The following HDAC4 variants were observed in gnomAD, a reference collection of about 807,000 sequenced individuals.
The protein encoded by HDAC4 is histone deacetylase A.
Under a neutral mutation model 135.1 loss-of-function variants are expected in HDAC4, and 16 were observed. The observed-to-expected ratio is 0.12, with a 90% CI of 0.08 to 0.18. HDAC4 has a LOEUF of 0.18. HDAC4 is among the 10% of genes least tolerant of loss of function. The probability of loss-of-function intolerance (pLI) is 1.00; values close to 1 mark genes in which losing one functional copy is unlikely to be tolerated. For missense variants in HDAC4, 1,143 were observed against 1,511.8 expected (o/e 0.76, Z 4.05); for synonymous variants, 685 against 653.4 (o/e 1.05, Z -0.74).
chr2:239,126,430 T>G (rs2040193012), intron 12 of HDAC4, 26 bp downstream of exon 12: 1 of 1,613,030 alleles, frequency 6.2e-7, no homozygotes, highest in Non-Finnish European at 8.5e-7. Context: ...CCCTGGGGCC[T>G]GGGAGCGCTG....
intron 6 of HDAC4, among the ~76,000 whole-genome samples, chr2:239,159,589 TCACACTCATACCC>T (rs2042659265): frequency 7.1e-6 from 1 of 141,122 alleles, no homozygotes; most frequent in Non-Finnish European, 1.5e-5. Flanking sequence ...TTCCCACACC[TCACACTCATACCC>T]CACACTCACC....
At chr2:239,346,581 C>G (rs547750110) in intron 2 of HDAC4, among the ~76,000 whole-genome samples, 155 of 144,992 alleles carry the variant, frequency 1.1e-3, no homozygotes, top group Non-Finnish European at 1.8e-3. Context: ...ACACACAGAC[C>G]ATAACACACA....
At chr2:239,202,040 C>A (rs1019115412) in intron 3 of HDAC4, among the ~76,000 whole-genome samples, 2 of 152,184 alleles carry the variant, frequency 1.3e-5, no homozygotes, top group Non-Finnish European at 2.9e-5. Context: ...CCCCTGCAGG[C>A]ATCTCCAGCA....
chr2:239,260,348 T>C (rs542850340), intron 2 of HDAC4, among the ~76,000 whole-genome samples: 1 of 152,366 alleles, frequency 6.6e-6, no homozygotes, highest in Admixed American at 6.5e-5. Context: ...AAGTTTTATA[T>C]GTCCCAGTTT....
intron 24 of HDAC4, among the ~76,000 whole-genome samples, chr2:239,056,148 G>T (rs1257302568): frequency 6.6e-6 from 1 of 152,186 alleles, no homozygotes; most frequent in African/African-American, 2.4e-5. Context: ...CTCTTTGGAG[G>T]CACACATACC....
chr2:239,356,589 A>C (rs1217462697), intron 1 of HDAC4, among the ~76,000 whole-genome samples: 2 of 152,238 alleles, frequency 1.3e-5, no homozygotes, highest in South Asian at 2.1e-4. Flanking sequence ...TCACATAACT[A>C]ATCAAAAGAA....
At chr2:239,140,996 A>T (rs777035212) in intron 8 of HDAC4, 5 of 393,332 alleles carry the variant, frequency 1.3e-5, no homozygotes, top group South Asian at 9.1e-5. Flanking sequence ...AACCTGGCAG[A>T]CCTGATTCCA....
At chr2:239,125,132 C>T (rs1262972186) in intron 12 of HDAC4, among the ~76,000 whole-genome samples, 1 of 152,216 alleles carries the variant, frequency 6.6e-6, no homozygotes, top group African/African-American at 2.4e-5. Flanking sequence ...GATCTGTGTC[C>T]CTGCCCACAT....
intron 16 of HDAC4, among the ~76,000 whole-genome samples, chr2:239,100,696 A>C (rs1050642080): frequency 2.6e-5 from 4 of 152,106 alleles, no homozygotes; most frequent in African/African-American, 9.7e-5. Flanking sequence ...CTCAGGGGCT[A>C]TTTGTTGGGA....
In HDAC4 at chr2:239,176,580, G is replaced by A; in HGVS notation, c.340-17C>T. On this transcript the variant is annotated splice_polypyrimidine_tract_variant and intron_variant, in intron 4 of 26. Transcript: ENST00000543185. ...CTGTTGTTGCTGCAAGTGGAAGGAG[G>A]AGACAGACGGTCAGAGCCCAGGCTC... 1 of 1,610,814 alleles carries A rather than the reference G, an allele frequency of 6.2e-7. No individual in the cohort carries two copies. The highest frequency in any genetic ancestry group is 8.5e-7 in the Non-Finnish European group (1 of 1,179,348).
rs1001989179 is a variant in HDAC4, at chr2:239,146,201, T to G, written c.734-1487A>C. 2.0e-5 allele frequency among the ~76,000 whole-genome samples: 3 copies of G among 152,208 alleles called. No homozygotes were observed. The highest frequency in any genetic ancestry group is 1.9e-4 in the East Asian group (1 of 5,192). ...ACAAGCTCCACTTCTATTTCCACGC[T>G]GGGTTTCTTGCCATTATTCAAAAGA... On this transcript the variant is annotated intron_variant, in intron 7 of 26. Transcript: ENST00000543185. The surrounding 1 kb of genome is among the most constrained non-coding windows in gnomAD (Gnocchi z 4.5).
At chr2:239,202,825 C>T (rs1464278800) in intron 3 of HDAC4, among the ~76,000 whole-genome samples, 1 of 152,220 alleles carries the variant, frequency 6.6e-6, no homozygotes. Flanking sequence ...ACCCAGTGAT[C>T]AGGATGCCAC....
intron 1 of HDAC4, among the ~76,000 whole-genome samples, chr2:239,378,903 CCAAGCTCTGTCTAG>C (rs1695217704): frequency 6.6e-6 from 1 of 152,184 alleles, no homozygotes; most frequent in Non-Finnish European, 1.5e-5. Context: ...TCGAAGACTG[CCAAGCTCTGTCTAG>C]TTCCCCAGGA....
chr2:239,200,939 A>AGACT (rs1320970291), intron 3 of HDAC4, among the ~76,000 whole-genome samples: 7 of 152,164 alleles, frequency 4.6e-5, no homozygotes, highest in African/African-American at 1.4e-4. Flanking sequence ...GCAGCAGAGG[A>AGACT]GACTGCTCGC....
At chr2:239,238,282 A>C (rs2047999350) in intron 2 of HDAC4, among the ~76,000 whole-genome samples, 1 of 152,242 alleles carries the variant, frequency 6.6e-6, no homozygotes, top group African/African-American at 2.4e-5. Context: ...AAAATAAAAA[A>C]TTCGAAAAGG....
At chr2:239,178,971 C>T (rs553946260) in intron 4 of HDAC4, among the ~76,000 whole-genome samples, 3 of 150,276 alleles carry the variant, frequency 2.0e-5, no homozygotes, top group African/African-American at 4.9e-5. Flanking sequence ...GTGGGGAGTG[C>T]GTGCGAGGCA....
chr2:239,262,176 C>T lies in HDAC4; in HGVS notation c.23-25512G>A, dbSNP rs2049413053. On this transcript the variant is annotated intron_variant, in intron 2 of 26. Transcript: ENST00000543185. This position sits in a 1 kb window ranked among gnomAD's most constrained non-coding sequence, Gnocchi z 4.1. Reference sequence around the variant, plus strand: ...GAAGGAGCCACGGTCCACTGAGACCCACGACAAGGTATCCACGTGGCTTTT... The same window carrying T: ...GAAGGAGCCACGGTCCACTGAGACCTACGACAAGGTATCCACGTGGCTTTT... Among the ~76,000 whole-genome samples, 1 of 152,196 alleles carries T rather than the reference C, an allele frequency of 6.6e-6. No homozygotes were observed. The highest frequency in any genetic ancestry group is 2.4e-5 in the African/African-American group (1 of 41,466).
chr2:239,061,217 T>G (rs1200975920), intron 24 of HDAC4, among the ~76,000 whole-genome samples: 4 of 152,036 alleles, frequency 2.6e-5, no homozygotes, highest in Non-Finnish European at 5.9e-5. Flanking sequence ...TGTGCGTGTG[T>G]GGTGTGTGTG....
intron 25 of HDAC4, 58 bp from the exon 26 acceptor site, chr2:239,053,659 A>T (rs945734795): frequency 6.7e-7 from 1 of 1,497,620 alleles, no homozygotes. Flanking sequence ...GGATGCACTG[A>T]GGCCCGGGAA....
Sources: allele counts gnomAD v4.1 joint callset (sites outside exome capture counted in the v4.1 genomes callset), GRCh38; gene constraint gnomAD v4.1.1; non-coding constraint Gnocchi (gnomAD v3.1); transcripts MANE v1.5; gene names NCBI Gene and HGNC (gene_info 2026-07-23, HGNC 2026-07-21).